CDC14B: variants seen among roughly 807,000 people sequenced by gnomAD.
CDC14B encodes the protein dual specificity protein phosphatase CDC14B.
In CDC14B, 22 loss-of-function variants were observed where a neutral mutation model predicts 64.2. That is an observed-to-expected ratio of 0.34 (90% CI 0.24 to 0.49). The LOEUF (loss-of-function observed/expected upper bound fraction) is 0.49, where lower values mean the gene tolerates loss of function less well. Among genes scored for constraint, CDC14B ranks in the 20% least tolerant of loss-of-function variants. The pLI is 0.99. For synonymous variants in CDC14B, 191 were observed against 215.8 expected (o/e 0.89, Z 1.01); for missense variants, 498 against 629.9 (o/e 0.79, Z 2.24).
chr9:96,495,807 G>A (rs867772743), downstream of CDC14B, among the ~76,000 whole-genome samples: 1 of 152,168 alleles, frequency 6.6e-6, no homozygotes, highest in Middle Eastern at 3.2e-3. Flanking sequence ...GCCCAGGCAG[G>A]GTGAGGCTGC....
chr9:96,508,111 G>A (rs1351465754), intron 13 of CDC14B, among the ~76,000 whole-genome samples: 1 of 151,708 alleles, frequency 6.6e-6, no homozygotes, highest in Non-Finnish European at 1.5e-5. Flanking sequence ...CGCCTCCCAT[G>A]TTTAAGCGAT....
At position 96,502,281 on chromosome 9, in the gene CDC14B, T is replaced by C. The variant is rs1564184452; in HGVS notation, c.*1472A>G. 6.6e-6 allele frequency: 1 copy of C among 152,262 alleles called. No homozygotes were observed. The highest frequency in any genetic ancestry group is 1.5e-5 in the Non-Finnish European group (1 of 68,050). 9.4% of individuals were successfully genotyped at this position (152,262 alleles called of 1,614,324 possible). On this transcript the variant is annotated 3_prime_UTR_variant, in exon 14 of 14. Coordinates refer to ENST00000375241, the MANE Select transcript of CDC14B (RefSeq NM_033331.4). ...CATGATGCCGGTCAATTTTATACTT[T>C]CTTCCAAGAAAGTACACCAAAATGG...
intron 1 of CDC14B, among the ~76,000 whole-genome samples, chr9:96,595,971 A>G (rs1846044735): frequency 6.6e-6 from 1 of 152,240 alleles, no homozygotes; most frequent in South Asian, 2.1e-4. Context: ...TTTGAATACT[A>G]TATAAAATAT....
At chr9:96,571,263 C>T (rs1263161844) in intron 1 of CDC14B, among the ~76,000 whole-genome samples, 1 of 151,592 alleles carries the variant, frequency 6.6e-6, no homozygotes, top group African/African-American at 2.4e-5. Flanking sequence ...GCAACCTCTG[C>T]TTCCTGGGTT....
At chr9:96,547,453 G>A (rs141160444) in intron 5 of CDC14B, among the ~76,000 whole-genome samples, 3,858 of 151,256 alleles carry the variant, frequency 0.026, 152 homozygotes, top group African/African-American at 0.086. Flanking sequence ...GTGACAGAGC[G>A]AGAGTCTGTC....
In CDC14B at chr9:96,503,139, C is replaced by T. The variant is rs1833704313; in HGVS notation, c.*614G>A. ...ACTAAGGTACCACCTGGTCTTACAA[C>T]ATGCAACAGTGTTTAAATGTGATTT... On this transcript the variant is annotated 3_prime_UTR_variant, in exon 14 of 14. Transcript: ENST00000375241. 1 of 359,480 alleles carries T rather than the reference C, an allele frequency of 2.8e-6. No individual in the cohort carries two copies. The highest frequency in any genetic ancestry group is 4.0e-5 in the East Asian group (1 of 25,084). 22.3% of individuals were successfully genotyped at this position (359,480 alleles called of 1,614,324 possible). A position where few individuals can be genotyped will look rare whatever the true frequency, so the allele number is the denominator to read the frequency against.
At chr9:96,520,318 T>C (rs1836487224) in intron 12 of CDC14B, among the ~76,000 whole-genome samples, 1 of 152,228 alleles carries the variant, frequency 6.6e-6, no homozygotes, top group South Asian at 2.1e-4. Flanking sequence ...AATCCTGAGC[T>C]ACCTCTTTGT....
At chr9:96,569,013 AC>A (rs1844318409) in intron 1 of CDC14B, among the ~76,000 whole-genome samples, 1 of 152,252 alleles carries the variant, frequency 6.6e-6, no homozygotes, top group South Asian at 2.1e-4. Flanking sequence ...TCCTATATAC[AC>A]ATGTATACGA....
At chr9:96,554,439 T>G (rs906432837) in intron 4 of CDC14B, among the ~76,000 whole-genome samples, 4 of 152,198 alleles carry the variant, frequency 2.6e-5, no homozygotes, top group African/African-American at 9.6e-5. Flanking sequence ...TGGTATTACT[T>G]TCTCCTAACT....
At chr9:96,580,735 G>A (rs901834466) in intron 1 of CDC14B, among the ~76,000 whole-genome samples, 2 of 152,030 alleles carry the variant, frequency 1.3e-5, no homozygotes, top group South Asian at 4.1e-4. Flanking sequence ...AGACTAAATG[G>A]AAATAATTGT....
chr9:96,568,052 A>C (rs1844220012), intron 1 of CDC14B, among the ~76,000 whole-genome samples: 1 of 152,232 alleles, frequency 6.6e-6, no homozygotes, highest in African/African-American at 2.4e-5. Context: ...GCATGATCTC[A>C]GTTGTTATAG....
At chr9:96,548,927 G>A (rs529595246) in intron 5 of CDC14B, among the ~76,000 whole-genome samples, 5 of 152,178 alleles carry the variant, frequency 3.3e-5, no homozygotes, top group African/African-American at 7.2e-5. Context: ...GCACAACGTC[G>A]TGTTAGCAAT....
chr9:96,615,829 G>A (rs1847591608), intron 1 of CDC14B, among the ~76,000 whole-genome samples: 1 of 152,170 alleles, frequency 6.6e-6, no homozygotes, highest in Non-Finnish European at 1.5e-5. Context: ...AGTCCACTGA[G>A]GAATGGATAA....
intron 4 of CDC14B, among the ~76,000 whole-genome samples, chr9:96,555,480 A>C (rs1842390688): frequency 2.0e-5 from 3 of 152,242 alleles, no homozygotes; most frequent in Non-Finnish European, 2.9e-5. Flanking sequence ...CAACTCCCAG[A>C]TGCCTAACTC....
chr9:96,552,897 G>A (rs1198046043), intron 4 of CDC14B, among the ~76,000 whole-genome samples: 1 of 151,952 alleles, frequency 6.6e-6, no homozygotes, highest in African/African-American at 2.4e-5. Context: ...GATTACTTTG[G>A]GGAAATAGAT....
chr9:96,549,264 A>T (rs774763051), intron 5 of CDC14B, among the ~76,000 whole-genome samples: 3 of 152,236 alleles, frequency 2.0e-5, no homozygotes, highest in Admixed American at 6.5e-5. Context: ...AATTTCTTCT[A>T]CTATTTGATT....
intron 1 of CDC14B, among the ~76,000 whole-genome samples, chr9:96,589,114 T>C (rs1010361745): frequency 4.3e-4 from 66 of 152,232 alleles, no homozygotes; most frequent in African/African-American, 1.5e-3. Flanking sequence ...GGCAGGTAGA[T>C]TGCCTGAGCT....
chr9:96,618,742 T>C, intron 1 of CDC14B: 1 of 378,992 alleles, frequency 2.6e-6, no homozygotes. Context: ...CAGCGGGGGT[T>C]TGGCCAACGC....
intron 1 of CDC14B, among the ~76,000 whole-genome samples, chr9:96,600,046 A>C (rs1477918464): frequency 6.6e-6 from 1 of 152,006 alleles, no homozygotes; most frequent in African/African-American, 2.4e-5. Flanking sequence ...TCTAAATGTA[A>C]CTTTTCTATA....
Sources: allele counts gnomAD v4.1 joint callset (sites outside exome capture counted in the v4.1 genomes callset), GRCh38; gene constraint gnomAD v4.1.1; transcripts MANE v1.5; gene names NCBI Gene and HGNC (gene_info 2026-07-23, HGNC 2026-07-21).